ELP1: variants seen among roughly 807,000 people sequenced by gnomAD.
ELP1 encodes the protein elongator complex protein 1.
ELP1 carries 131 observed loss-of-function variants against 183.2 expected under a neutral mutation model. The ratio of observed to expected loss-of-function variants is 0.72; its 90% CI spans 0.62 to 0.83. ELP1 has a LOEUF of 0.83. Ranked by LOEUF, ELP1 falls within the 40% of genes least tolerant of loss-of-function variation. The probability of loss-of-function intolerance (pLI) is 0.00; values close to 1 mark genes in which losing one functional copy is unlikely to be tolerated. For missense variants in ELP1, 1,550 were observed against 1,594.9 expected, an observed-to-expected ratio of 0.97 and a Z score of 0.48; for synonymous variants, 555 against 569.0, an observed-to-expected ratio of 0.98 and a Z score of 0.35.
chr9:108,912,941 T>G (rs1015905235), intron 10 of ELP1, among the ~76,000 whole-genome samples: 1 of 151,638 alleles, frequency 6.6e-6, no homozygotes, highest in African/African-American at 2.4e-5. Flanking sequence ...TTTGTATTTT[T>G]AGTAGAAACA....
At chr9:108,906,149 A>G (rs943999504) in intron 14 of ELP1, among the ~76,000 whole-genome samples, 154 bp downstream of exon 14, 1 of 152,228 alleles carries the variant, frequency 6.6e-6, no homozygotes, top group African/African-American at 2.4e-5. Flanking sequence ...GACATGGCTC[A>G]TAACTAGACT....
chr9:108,900,764 A>G (rs976911126), intron 18 of ELP1, among the ~76,000 whole-genome samples: 2 of 151,798 alleles, frequency 1.3e-5, no homozygotes, highest in Admixed American at 6.6e-5. Context: ...ACACACACAC[A>G]CATACACGCC....
At chr9:108,893,454 C>A (rs949303321) in intron 26 of ELP1, among the ~76,000 whole-genome samples, 4 of 152,196 alleles carry the variant, frequency 2.6e-5, no homozygotes, top group African/African-American at 9.7e-5. Flanking sequence ...TTAACATGCA[C>A]CCCAGGTGAT....
chr9:108,902,736 G>A (rs1160418622), intron 16 of ELP1, 103 bp downstream of exon 16: 1 of 812,276 alleles, frequency 1.2e-6, no homozygotes, highest in Non-Finnish European at 2.2e-6. Flanking sequence ...TAGGCATTTA[G>A]TGGAGACCCA....
intron 36 of ELP1, among the ~76,000 whole-genome samples, chr9:108,872,730 G>A (rs995135094): frequency 7.7e-5 from 11 of 142,802 alleles, no homozygotes; most frequent in African/African-American, 2.8e-4. Context: ...GCGTGAACCC[G>A]GGAGGCGGAG....
chr9:108,913,791 C>T (rs1025043607), intron 10 of ELP1, among the ~76,000 whole-genome samples: 4 of 152,082 alleles, frequency 2.6e-5, no homozygotes, highest in South Asian at 2.1e-4. Flanking sequence ...GGACTACAGG[C>T]GCGCACCACC....
At chr9:108,907,575 T>C (rs1017619682) in intron 13 of ELP1, among the ~76,000 whole-genome samples, 17 of 152,166 alleles carry the variant, frequency 1.1e-4, no homozygotes, top group African/African-American at 3.6e-4. Context: ...CAATAAATGT[T>C]CCCTGGAGGC....
chr9:108,912,562 G>A (rs1023786886), intron 10 of ELP1, 68 bp from the exon 11 acceptor site: 42 of 1,091,558 alleles, frequency 3.8e-5, no homozygotes, highest in East Asian at 3.8e-4. Flanking sequence ...TTGCCAGAGG[G>A]GTTCAAGGGC....
In ELP1 at chr9:108,891,494, G is replaced by C; in HGVS notation, c.2959-90C>G. Reference sequence around the variant, plus strand: ...GTAGCTGCCTTAGTTCCTATACTTGGAACTCCCTTGAAAGAATTACCTGGG... The same window carrying C: ...GTAGCTGCCTTAGTTCCTATACTTGCAACTCCCTTGAAAGAATTACCTGGG... On this transcript the variant is annotated intron_variant, in intron 27 of 36. Transcript: ENST00000374647. The C allele has an allele frequency of 5.2e-6, 6 of 1,162,570 alleles. No individual in the cohort carries two copies. In the South Asian group the frequency reaches 6.3e-5, roughly 12 times the overall value. The allele number at this position is 1,162,570 out of a possible 1,614,324, so 72.0% of individuals were successfully genotyped here. A position where few individuals can be genotyped will look rare whatever the true frequency, so the allele number is the denominator to read the frequency against.
intron 36 of ELP1, among the ~76,000 whole-genome samples, chr9:108,870,969 A>ATTTTTTTTTTTTTTTTTTTTTTTTTTTT (rs33952302): frequency 1.2e-5 from 1 of 83,566 alleles, no homozygotes; most frequent in Admixed American, 1.5e-4. Context: ...TTCATGCACC[A>ATTTTTTTTTTTTTTTTTTTTTTTTTTTT]TTTTTTTTTT....
chr9:108,869,988 T>G (rs1211643348), intron 36 of ELP1, among the ~76,000 whole-genome samples: 2 of 152,164 alleles, frequency 1.3e-5, no homozygotes, highest in African/African-American at 4.8e-5. Flanking sequence ...TTTTTTTTCT[T>G]TTTTTGAGAC....
intron 6 of ELP1, among the ~76,000 whole-genome samples, chr9:108,921,823 C>T (rs1829659091): frequency 6.6e-6 from 1 of 152,206 alleles, no homozygotes; most frequent in Non-Finnish European, 1.5e-5. Flanking sequence ...AAAAACTACG[C>T]TTTAAAAAGT....
intron 29 of ELP1, among the ~76,000 whole-genome samples, chr9:108,885,212 A>C (rs1298259522): frequency 6.6e-6 from 1 of 152,046 alleles, no homozygotes; most frequent in Non-Finnish European, 1.5e-5. Context: ...GAATACAGAA[A>C]AATCATAGAG....
intron 9 of ELP1, among the ~76,000 whole-genome samples, chr9:108,917,032 T>C (rs1175458196): frequency 1.3e-5 from 2 of 152,226 alleles, no homozygotes; most frequent in East Asian, 1.9e-4. Context: ...TTCTGTTTTA[T>C]CTAAGGTGGG....
intron 10 of ELP1, among the ~76,000 whole-genome samples, chr9:108,915,366 A>C (rs764050482): frequency 6.6e-6 from 1 of 152,256 alleles, no homozygotes; most frequent in African/African-American, 2.4e-5. Flanking sequence ...GCTGACTATA[A>C]GGAAAGCAGA....
chr9:108,872,990 C>T (rs938055608), intron 36 of ELP1, among the ~76,000 whole-genome samples: 4 of 152,060 alleles, frequency 2.6e-5, no homozygotes, highest in Admixed American at 6.6e-5. Context: ...GACAGCAGGA[C>T]ATGACATATT....
chr9:108,932,767 A>G (rs896034548), intron 1 of ELP1, among the ~76,000 whole-genome samples: 3 of 152,146 alleles, frequency 2.0e-5, no homozygotes, highest in African/African-American at 4.8e-5. Context: ...CCAGGCTAGG[A>G]AAGGAATATC....
chr9:108,917,295 C>T (rs922241558), intron 9 of ELP1, among the ~76,000 whole-genome samples: 1 of 152,104 alleles, frequency 6.6e-6, no homozygotes, highest in Non-Finnish European at 1.5e-5. Flanking sequence ...CGGAGAAACC[C>T]CGTCTCTACT....
At chr9:108,907,026 G>A (rs1037729441) in intron 13 of ELP1, among the ~76,000 whole-genome samples, 2 of 152,130 alleles carry the variant, frequency 1.3e-5, no homozygotes, top group Non-Finnish European at 2.9e-5. Flanking sequence ...TTTAGATCAG[G>A]TGGCAAATCC....
Sources: gnomAD v4.1 joint callset for allele counts (sites outside exome capture counted in the v4.1 genomes callset) on GRCh38, gnomAD v4.1.1 for gene constraint, MANE v1.5 for transcripts, NCBI Gene and HGNC (gene_info 2026-07-23, HGNC 2026-07-21) for gene names.